Variants in IMMP2L observed in about 807,000 individuals in gnomAD.
IMMP2L encodes the protein mitochondrial inner membrane protease subunit 2.
A neutral mutation model predicts 19.3 loss-of-function variants in IMMP2L; 18 were observed. That is an observed-to-expected ratio of 0.93 (90% CI 0.64 to 1.38). IMMP2L has a LOEUF of 1.38. Ranked by LOEUF, IMMP2L falls within the 40% of genes most tolerant of loss-of-function variation. IMMP2L has a pLI of 0.00. For synonymous variants in IMMP2L, 76 were observed against 73.0 expected (o/e 1.04, Z -0.21); for missense variants, 233 against 218.2 (o/e 1.07, Z -0.43).
intron 4 of IMMP2L, among the ~76,000 whole-genome samples, chr7:110,921,046 G>A (rs906698701): frequency 6.6e-6 from 1 of 152,080 alleles, no homozygotes; most frequent in Non-Finnish European, 1.5e-5. Flanking sequence ...AGAGAAAAAA[G>A]AATAAGAATT....
intron 4 of IMMP2L, among the ~76,000 whole-genome samples, chr7:110,957,245 T>G (rs543120441): frequency 6.6e-6 from 1 of 152,110 alleles, no homozygotes; most frequent in South Asian, 2.1e-4. Flanking sequence ...TCTGAAAAAG[T>G]ACTCTGAAAG....
intron 5 of IMMP2L, among the ~76,000 whole-genome samples, chr7:110,716,177 G>C (rs1428385131): frequency 2.0e-5 from 3 of 151,874 alleles, no homozygotes; most frequent in African/African-American, 7.3e-5. Context: ...CAAATGGAAG[G>C]ACTATGGATA....
intron 5 of IMMP2L, among the ~76,000 whole-genome samples, chr7:110,826,065 C>CA (rs1266801908): frequency 3.3e-5 from 5 of 152,154 alleles, no homozygotes; most frequent in East Asian, 1.9e-4. Context: ...GACATTTATG[C>CA]GCCAACAGAC....
intron 3 of IMMP2L, among the ~76,000 whole-genome samples, chr7:111,223,749 C>A (rs190227108): frequency 1.3e-5 from 2 of 151,984 alleles, no homozygotes; most frequent in Non-Finnish European, 2.9e-5. Flanking sequence ...AAATTTCATA[C>A]CTGGGTTGGC....
At chr7:111,369,430 G>T (rs560594710) in intron 3 of IMMP2L, among the ~76,000 whole-genome samples, 4 of 151,926 alleles carry the variant, frequency 2.6e-5, no homozygotes, top group Non-Finnish European at 5.9e-5. Context: ...ATAGTACTAG[G>T]ATTTCAATTT....
At chr7:110,685,312 T>G (rs1386542371) in intron 5 of IMMP2L, among the ~76,000 whole-genome samples, 1 of 152,138 alleles carries the variant, frequency 6.6e-6, no homozygotes, top group Non-Finnish European at 1.5e-5. Flanking sequence ...ATTCTTCCTT[T>G]TCTCATTGTC....
At chr7:111,065,176 A>T (rs921115826) in intron 3 of IMMP2L, among the ~76,000 whole-genome samples, 3 of 152,188 alleles carry the variant, frequency 2.0e-5, no homozygotes. Context: ...GCATGTATAC[A>T]CTTGTAATAA....
intron 5 of IMMP2L, among the ~76,000 whole-genome samples, chr7:110,819,297 G>C (rs1802821640): frequency 6.6e-6 from 1 of 151,910 alleles, no homozygotes; most frequent in Non-Finnish European, 1.5e-5. Flanking sequence ...GGGAGGTTCG[G>C]AGGCTGGGAG....
At chr7:111,259,943 A>C (rs1817138268) in intron 3 of IMMP2L, among the ~76,000 whole-genome samples, 1 of 152,110 alleles carries the variant, frequency 6.6e-6, no homozygotes, top group South Asian at 2.1e-4. Context: ...TTCTACCTCC[A>C]CATCTTGTCC....
rs181391886 is a variant in IMMP2L at position 111,081,267 on chromosome 7, C to A, written c.240-117702G>T. On this transcript the variant is annotated intron_variant, in intron 3 of 5. Coordinates refer to ENST00000405709, the MANE Select transcript of IMMP2L (RefSeq NM_032549.4). ...ATGAAATATATGTTTATTAAAAATG[C>A]GAGACTGCCAATATATTTAAGGAAA... 5.5e-3 allele frequency among the ~76,000 whole-genome samples: 835 copies of A among 152,170 alleles called. 7 individuals are homozygous for A. Among genetic ancestry groups the A allele is most frequent in the Non-Finnish European group, 9.7e-3 (658 of 68,012 alleles).
chr7:111,421,702 C>T (rs1049579085), intron 3 of IMMP2L, among the ~76,000 whole-genome samples: 3 of 151,610 alleles, frequency 2.0e-5, no homozygotes, highest in Non-Finnish European at 2.9e-5. Flanking sequence ...TTTCTTTTGC[C>T]ATGCAGAAGC....
chr7:111,254,721 C>A (rs13230843), intron 3 of IMMP2L, among the ~76,000 whole-genome samples: 17 of 152,230 alleles, frequency 1.1e-4, no homozygotes, highest in Non-Finnish European at 2.2e-4. Flanking sequence ...ATCTGCACAA[C>A]ATAAGTCCCA....
chr7:111,076,020 G>A (rs918076618), intron 3 of IMMP2L, among the ~76,000 whole-genome samples: 4 of 152,118 alleles, frequency 2.6e-5, no homozygotes, highest in African/African-American at 4.8e-5. Context: ...ATTTGGTCTA[G>A]TCTAATAGTT....
At position 111,123,618 on chromosome 7, in the gene IMMP2L, T is replaced by C. The variant is rs34155376; in HGVS notation, c.240-160053A>G. The C allele has an allele frequency of 6.7e-4, 1,083 of 1,613,552 alleles. 5 individuals are homozygous for C. In the African/African-American group the frequency reaches 0.013, roughly 19 times the overall value. On this transcript the variant is annotated intron_variant, in intron 3 of 5. Coordinates refer to ENST00000405709, the MANE Select transcript of IMMP2L (RefSeq NM_032549.4). This position sits in a 1 kb window ranked among gnomAD's most constrained non-coding sequence, Gnocchi z 6.4. ...GAATACGAAGGGGTGATTTTAGCAA[T>C]ATGCTACACTTAAAAGAGTTGGGGA...
intron 3 of IMMP2L, among the ~76,000 whole-genome samples, chr7:111,039,655 TA>T (rs981200955): frequency 3.9e-5 from 6 of 152,164 alleles, no homozygotes; most frequent in African/African-American, 1.4e-4. Flanking sequence ...GTGGTTTTTT[TA>T]AAAACCATCA....
intron 1 of IMMP2L, among the ~76,000 whole-genome samples, chr7:111,550,216 C>T (rs191189610): frequency 1.3e-5 from 2 of 152,206 alleles, no homozygotes; most frequent in East Asian, 3.9e-4. Flanking sequence ...AGGCTACATA[C>T]TGTATGATTC....
chr7:111,429,746 G>C (rs1836445201), intron 3 of IMMP2L, among the ~76,000 whole-genome samples: 1 of 151,844 alleles, frequency 6.6e-6, no homozygotes, highest in Non-Finnish European at 1.5e-5. Flanking sequence ...AAAGAATTTT[G>C]AAGAAATGGT....
intron 4 of IMMP2L, chr7:110,962,952 T>C: frequency 7.0e-7 from 1 of 1,431,114 alleles, no homozygotes; most frequent in East Asian, 2.6e-5. Context: ...GTTCTTGATT[T>C]ATCAGCAAGT....
chr7:111,503,426 T>C (rs1284254090), intron 2 of IMMP2L, among the ~76,000 whole-genome samples: 1 of 152,114 alleles, frequency 6.6e-6, no homozygotes, highest in African/African-American at 2.4e-5. Context: ...TCTGAAACTA[T>C]TCCAATCAAT....
Sources: allele counts gnomAD v4.1 joint callset (sites outside exome capture counted in the v4.1 genomes callset), GRCh38; gene constraint gnomAD v4.1.1; non-coding constraint Gnocchi (gnomAD v3.1); transcripts MANE v1.5; gene names NCBI Gene and HGNC (gene_info 2026-07-23, HGNC 2026-07-21).